C4orf46: variants seen among roughly 807,000 people sequenced by gnomAD.
C4orf46 encodes renal cancer differentiation gene 1 protein.
A neutral mutation model predicts 9.1 loss-of-function variants in C4orf46; 8 were observed. The observed-to-expected ratio is 0.88, with a 90% CI of 0.52 to 1.59. The LOEUF is 1.59. C4orf46 is among the 40% of genes most tolerant of loss of function. The probability of loss-of-function intolerance (pLI) is 0.00; values close to 1 mark genes in which losing one functional copy is unlikely to be tolerated. For synonymous variants in C4orf46, 51 were observed against 58.8 expected (o/e 0.87, Z 0.61); for missense variants, 151 against 139.1 (o/e 1.09, Z -0.43).
chr4:158,671,459 TC>T (rs144137757), intron 1 of C4orf46, among the ~76,000 whole-genome samples, 156 bp downstream of exon 1: 2 of 151,758 alleles, frequency 1.3e-5, no homozygotes, highest in Admixed American at 6.6e-5. Flanking sequence ...GCTGCTGGCA[TC>T]CCCCCCGCTT....
chr4:158,671,764 G>A lies in C4orf46; in HGVS notation c.38C>T (p.Pro13Leu), dbSNP rs1773560806. ...GGAGGGAGAAGAGGGAGGCGGCGGG[G>A]GCGGCGAAGAAACCTGCAACTCCTC... is the stretch of plus-strand genomic sequence containing the variant. ...DPEELQVSSP[P>L]PPPPSSPSSS... Residue 13 changes from proline (P) to leucine (L), a missense_variant, in exon 1 of 2, where the codon CCC (proline) becomes CTC (leucine). Transcript: ENST00000379205. 3 of 1,560,360 alleles carry A rather than the reference G, an allele frequency of 1.9e-6. No individual in the cohort carries two copies. Among genetic ancestry groups the A allele is most frequent in the Non-Finnish European group, 2.6e-6 (3 of 1,152,582 alleles).
At chr4:158,671,495 G>C in intron 1 of C4orf46, 121 bp downstream of exon 1, 1 of 1,067,164 alleles carries the variant, frequency 9.4e-7, no homozygotes, top group Admixed American at 3.5e-5. Flanking sequence ...CTGGGGCGCA[G>C]AAGGGCCGGT....
rs1289565677 is a variant in C4orf46, at chr4:158,671,847, A to T, written c.-46T>A. The stretch of plus-strand genomic sequence containing the variant: ...GAATCCGACCCGAGAAGCCGAACCG[A>T]CACCAACTGTCTTTTAACCACTCGC... On this transcript the variant is annotated 5_prime_UTR_variant, in exon 1 of 2. Coordinates refer to ENST00000379205, the MANE Select transcript of C4orf46 (RefSeq NM_001008393.4). The T allele has an allele frequency of 7.1e-7, 1 of 1,417,926 alleles. No homozygotes were observed. Among genetic ancestry groups the T allele is most frequent in the Non-Finnish European group, 9.3e-7 (1 of 1,070,680 alleles). 87.8% of individuals were successfully genotyped at this position (1,417,926 alleles called of 1,614,324 possible). A position where few individuals can be genotyped will look rare whatever the true frequency, so the allele number is the denominator to read the frequency against.
chr4:158,671,004 G>A (rs1295103509), intron 1 of C4orf46, among the ~76,000 whole-genome samples: 2 of 152,170 alleles, frequency 1.3e-5, no homozygotes, highest in East Asian at 3.9e-4. Flanking sequence ...ACAAAGGGAG[G>A]AGTCCTGAAC....
chr4:158,669,732 A>G lies in C4orf46; in HGVS notation c.223T>C (p.Ser75Pro). ...FSLTKLLEAT[S>P]AVSAQVEELA... ...TCTTCCACTTGAGCTGATACTGCAG[A>G]TGTGGCTTCAAGAAGTTTGGTTAAT... Residue 75 changes from serine (S) to proline (P), a missense_variant, in exon 2 of 2, where the codon TCT (serine) becomes CCT (proline). By Grantham distance (74) the Ser-to-Pro change is moderately conservative. Transcript: ENST00000379205. 1 of 1,611,834 alleles carries G rather than the reference A, an allele frequency of 6.2e-7. No homozygotes were observed. The highest frequency in any genetic ancestry group is 1.1e-5 in the South Asian group (1 of 90,318).
chr4:158,671,576 G>C (rs954709203), intron 1 of C4orf46, 40 bp downstream of exon 1: 2 of 1,438,228 alleles, frequency 1.4e-6, no homozygotes, highest in African/African-American at 2.9e-5. Context: ...GGTCTTCCCA[G>C]AGGCGCCGAG....
Position 158,669,752 on chromosome 4 carries a change from G to A in C4orf46, c.203C>T (p.Thr68Ile). 1 of 1,599,248 alleles carries A rather than the reference G, an allele frequency of 6.3e-7. No individual in the cohort carries two copies. The highest frequency in any genetic ancestry group is 8.5e-7 in the Non-Finnish European group (1 of 1,174,552). The change falls in exon 2 of 2, where the codon ACC becomes ATC. Residue 68 changes from threonine to isoleucine, a missense_variant. Coordinates refer to ENST00000379205, the MANE Select transcript of C4orf46 (RefSeq NM_001008393.4). The part of the protein sequence containing the change: ...LQIGDAAFSL[T>I]KLLEATSAVS... ...TGCAGATGTGGCTTCAAGAAGTTTG[G>A]TTAATGAAAAGGCTGCCTAAAAAAA... is the stretch of plus-strand genomic sequence containing the variant.
chr4:158,671,454 T>C (rs1401827444), intron 1 of C4orf46, among the ~76,000 whole-genome samples, 162 bp downstream of exon 1: 1 of 152,104 alleles, frequency 6.6e-6, no homozygotes, highest in Non-Finnish European at 1.5e-5. Context: ...CTTTAGCTGC[T>C]GGCATCCCCC....
In C4orf46 at chr4:158,666,695, A is replaced by T. The variant is rs1307742359; in HGVS notation, c.*2918T>A. The T allele has an allele frequency of 1.3e-5, 2 of 152,224 alleles. No individual in the cohort carries two copies. The highest frequency in any genetic ancestry group is 2.9e-5 in the Non-Finnish European group (2 of 68,054). 9.4% of individuals were successfully genotyped at this position (152,224 alleles called of 1,614,324 possible). A position where few individuals can be genotyped will look rare whatever the true frequency, so the allele number is the denominator to read the frequency against. ...ACAGATTAACAAGAGAAAAACAAGTAATTTTATTAATATATGCAACGTACA... is the reference window on the plus strand; with the variant it reads ...ACAGATTAACAAGAGAAAAACAAGTTATTTTATTAATATATGCAACGTACA... On this transcript the variant is annotated 3_prime_UTR_variant, in exon 2 of 2. Coordinates refer to ENST00000379205, the MANE Select transcript of C4orf46 (RefSeq NM_001008393.4).
In C4orf46 at chr4:158,666,784, T is replaced by C. The variant is rs540102240; in HGVS notation, c.*2829A>G. 1 of 152,328 alleles carries C rather than the reference T, an allele frequency of 6.6e-6. No homozygotes were observed. The highest frequency in any genetic ancestry group is 6.5e-5 in the Admixed American group (1 of 15,308). The allele number at this position is 152,328 out of a possible 1,614,324, so 9.4% of individuals were successfully genotyped here. Reference sequence around the variant, plus strand: ...TAGTGGCTTACAACTCTGGACTATATAGCATCTTCCACAAAGAATACATTT... The same window carrying C: ...TAGTGGCTTACAACTCTGGACTATACAGCATCTTCCACAAAGAATACATTT... On this transcript the variant is annotated 3_prime_UTR_variant, in exon 2 of 2. Coordinates refer to ENST00000379205, the MANE Select transcript of C4orf46 (RefSeq NM_001008393.4).
At chr4:158,670,027 T>TTTTTTTTTTTTTTTC (rs1773482831) in intron 1 of C4orf46, among the ~76,000 whole-genome samples, 7 of 65,680 alleles carry the variant, frequency 1.1e-4, no homozygotes, top group African/African-American at 2.4e-4. Flanking sequence ...TGTTTTCTTT[T>TTTTTTTTTTTTTTTC]TTTTTTTTTT....
Position 158,669,352 on chromosome 4 carries a change from A to G in C4orf46, c.*261T>C, listed in dbSNP as rs1561230362. On this transcript the variant is annotated 3_prime_UTR_variant, in exon 2 of 2. Transcript: ENST00000379205. ...GTGGCTCTATTAATATTAACCGTCT[A>G]TTGATGAAGTTAACTTTCATAAAGG... is the stretch of plus-strand genomic sequence containing the variant. 1 of 310,296 alleles carries G rather than the reference A, an allele frequency of 3.2e-6. No individual in the cohort carries two copies. Among genetic ancestry groups the G allele is most frequent in the Non-Finnish European group, 5.9e-6 (1 of 168,296 alleles). 19.2% of individuals were successfully genotyped at this position (310,296 alleles called of 1,614,324 possible).
chr4:158,667,523 T>C lies in C4orf46; in HGVS notation c.*2090A>G, dbSNP rs951652917. 6.6e-6 allele frequency: 1 copy of C among 151,802 alleles called. No homozygotes were observed. Among genetic ancestry groups the C allele is most frequent in the Admixed American group, 6.6e-5 (1 of 15,238 alleles). 9.4% of individuals were successfully genotyped at this position (151,802 alleles called of 1,614,324 possible). On this transcript the variant is annotated 3_prime_UTR_variant, in exon 2 of 2. Coordinates refer to ENST00000379205, the MANE Select transcript of C4orf46 (RefSeq NM_001008393.4). ...TCATTAGTATTCAAAATATGTAATA[T>C]CTAAAAACTGACAAGTAAAAAAAAC...
Position 158,671,602 on chromosome 4 carries a change from G to A in C4orf46, c.186+14C>T. The A allele has an allele frequency of 1.3e-6, 2 of 1,505,692 alleles. No homozygotes were observed. Among genetic ancestry groups the A allele is most frequent in the East Asian group, 2.5e-5 (1 of 39,940 alleles). The allele number at this position is 1,505,692 out of a possible 1,614,324, so 93.3% of individuals were successfully genotyped here. On this transcript the variant is annotated intron_variant, in intron 1 of 1. Coordinates refer to ENST00000379205, the MANE Select transcript of C4orf46 (RefSeq NM_001008393.4). ...AGGCGCCGAGGGGGGACGCGGTCCC[G>A]ACACCACACTCACGTCTCCGATCTG...
At chr4:158,671,888 G>A (rs1344594439), upstream of C4orf46, 9 of 1,142,044 alleles carry the variant, frequency 7.9e-6, no homozygotes, top group Admixed American at 3.1e-5. Context: ...AAGCCGAAAG[G>A]CCCCGCCTCC....
In C4orf46 at chr4:158,671,567, G is replaced by C. The variant is rs190620255; in HGVS notation, c.186+49C>G. 10,846 of 1,406,472 alleles carry C rather than the reference G, an allele frequency of 7.7e-3. 68 individuals are homozygous for C. The highest frequency in any genetic ancestry group is 9.0e-3 in the Non-Finnish European group (9,575 of 1,066,390). The allele number at this position is 1,406,472 out of a possible 1,614,324, so 87.1% of individuals were successfully genotyped here. A position where few individuals can be genotyped will look rare whatever the true frequency, so the allele number is the denominator to read the frequency against. On this transcript the variant is annotated intron_variant, in intron 1 of 1. Transcript: ENST00000379205. ...AGCCTCGCGAGCCCCGCCGCCGCCG[G>C]TCTTCCCAGAGGCGCCGAGGGGGGA...
chr4:158,669,418 A>G lies in C4orf46; in HGVS notation c.*195T>C. On this transcript the variant is annotated 3_prime_UTR_variant, in exon 2 of 2. Coordinates refer to ENST00000379205, the MANE Select transcript of C4orf46 (RefSeq NM_001008393.4). ...AGAGGCATAAAGTATTTAAGGACAA[A>G]CAAGTACTGGTCCGCAACAAAAATA... 1 of 512,646 alleles carries G rather than the reference A, an allele frequency of 2.0e-6. No individual in the cohort carries two copies. The highest frequency in any genetic ancestry group is 3.2e-5 in the East Asian group (1 of 31,742). 31.8% of individuals were successfully genotyped at this position (512,646 alleles called of 1,614,324 possible).
rs1773422973 is a variant in C4orf46 at position 158,667,877 on chromosome 4, A to G, written c.*1736T>C. 6.6e-6 allele frequency: 1 copy of G among 152,218 alleles called. No homozygotes were observed. The highest frequency in any genetic ancestry group is 2.1e-4 in the South Asian group (1 of 4,830). 9.4% of individuals were successfully genotyped at this position (152,218 alleles called of 1,614,324 possible). ...CATCTGGAAGCTGGCTACCACATAT[A>G]TAAAACAATATTTTGTAGCGCTTTT... On this transcript the variant is annotated 3_prime_UTR_variant, in exon 2 of 2. Transcript: ENST00000379205.
chr4:158,670,386 T>C (rs1773498705), intron 1 of C4orf46, among the ~76,000 whole-genome samples: 1 of 152,134 alleles, frequency 6.6e-6, no homozygotes, highest in Non-Finnish European at 1.5e-5. Flanking sequence ...CTTGGACCCC[T>C]TGACACTAAG....
Sources: gnomAD v4.1 joint callset for allele counts (sites outside exome capture counted in the v4.1 genomes callset) on GRCh38, gnomAD v4.1.1 for gene constraint, MANE v1.5 for transcripts, NCBI Gene and HGNC (gene_info 2026-07-23, HGNC 2026-07-21) for gene names.